CHST9: variants seen among roughly 807,000 people sequenced by gnomAD.
CHST9 encodes carbohydrate sulfotransferase 9, also known as GalNAc-4-sulfotransferase 2.
Under a neutral mutation model 44.4 loss-of-function variants are expected in CHST9, and 41 were observed. That is an observed-to-expected ratio of 0.92 (90% CI 0.72 to 1.20). CHST9 has a LOEUF of 1.20. Among genes scored for constraint, CHST9 ranks in the 50% most tolerant of loss-of-function variants. The pLI is 0.00. For synonymous variants in CHST9, 171 were observed against 178.4 expected (o/e 0.96, Z 0.33); for missense variants, 504 against 516.5 (o/e 0.98, Z 0.23).
chr18:27,077,246 G>A (rs1181594315), intron 2 of CHST9, among the ~76,000 whole-genome samples: 7 of 152,092 alleles, frequency 4.6e-5, no homozygotes, highest in African/African-American at 1.7e-4. Flanking sequence ...ATTTTAATTA[G>A]AACATAAATG....
chr18:26,932,726 G>A (rs1420604672), intron 5 of CHST9, among the ~76,000 whole-genome samples: 1 of 152,180 alleles, frequency 6.6e-6, no homozygotes, highest in African/African-American at 2.4e-5. Flanking sequence ...CCACCTGAGT[G>A]TTCAGTTGCA....
chr18:27,000,646 A>G (rs571446329), intron 4 of CHST9, among the ~76,000 whole-genome samples: 11 of 151,242 alleles, frequency 7.3e-5, no homozygotes, highest in Admixed American at 5.3e-4. Context: ...CTATCTATCT[A>G]TCTATCTATC....
chr18:27,006,316 C>A (rs530040982), intron 4 of CHST9, among the ~76,000 whole-genome samples: 2 of 152,198 alleles, frequency 1.3e-5, no homozygotes, highest in South Asian at 4.1e-4. Flanking sequence ...AATTTATACA[C>A]TGGGTGTGGA....
intron 2 of CHST9, among the ~76,000 whole-genome samples, chr18:27,053,260 AG>A (rs1348326562): frequency 0.029 from 2,132 of 73,834 alleles, 45 homozygotes; most frequent in East Asian, 0.037. Context: ...AAGAAGAAGA[AG>A]GAGAAGGAGA....
chr18:27,017,172 T>C (rs1043292633), intron 4 of CHST9, among the ~76,000 whole-genome samples: 1 of 152,168 alleles, frequency 6.6e-6, no homozygotes, highest in Admixed American at 6.5e-5. Flanking sequence ...CACTGGAAAA[T>C]TTACGGTTAA....
At chr18:27,130,925 A>G (rs2058465976) in intron 2 of CHST9, among the ~76,000 whole-genome samples, 1 of 152,224 alleles carries the variant, frequency 6.6e-6, no homozygotes, top group Non-Finnish European at 1.5e-5. Context: ...TAAAAATTAT[A>G]GAGACATACA....
intron 2 of CHST9, among the ~76,000 whole-genome samples, chr18:27,115,831 C>T (rs1264561982): frequency 1.3e-5 from 2 of 152,038 alleles, no homozygotes; most frequent in African/African-American, 2.4e-5. Flanking sequence ...TTTATTTTAG[C>T]CATTCCTAGG....
intron 1 of CHST9, among the ~76,000 whole-genome samples, chr18:27,143,325 A>G (rs1189971197): frequency 6.6e-6 from 1 of 152,194 alleles, no homozygotes; most frequent in African/African-American, 2.4e-5. Flanking sequence ...ATAAAGTTCA[A>G]AAATTGAAGG....
At chr18:26,967,827 A>G (rs539101568) in intron 4 of CHST9, among the ~76,000 whole-genome samples, 1 of 152,336 alleles carries the variant, frequency 6.6e-6, no homozygotes, top group Non-Finnish European at 1.5e-5. Flanking sequence ...CAATCTAATC[A>G]GCTGCCAGTG....
chr18:26,990,474 A>T (rs1008620416), intron 4 of CHST9, among the ~76,000 whole-genome samples: 11 of 152,312 alleles, frequency 7.2e-5, no homozygotes, highest in Non-Finnish European at 1.5e-4. Flanking sequence ...TTATGCTCCA[A>T]AAACTATTTT....
chr18:26,974,862 G>T (rs561213774), intron 4 of CHST9, among the ~76,000 whole-genome samples: 1 of 152,202 alleles, frequency 6.6e-6, no homozygotes, highest in Non-Finnish European at 1.5e-5. Context: ...TTTTAGTAGG[G>T]ATGGGGTTTC....
At chr18:27,164,582 AAAAACATGAGTTTCTAGATCTAAAGAG>A (rs2058775689) in intron 1 of CHST9, among the ~76,000 whole-genome samples, 1 of 152,200 alleles carries the variant, frequency 6.6e-6, no homozygotes, top group African/African-American at 2.4e-5. Flanking sequence ...CAGGGAACTG[AAAAACATGAGTTTCTAGATCTAAAGAG>A]ATCACTCTGA....
chr18:26,933,079 C>G (rs2055910156), intron 5 of CHST9: 1 of 153,758 alleles, frequency 6.5e-6, no homozygotes. Flanking sequence ...CTGGAGGAAT[C>G]TACACGTGCA....
intron 2 of CHST9, among the ~76,000 whole-genome samples, chr18:27,119,258 G>A (rs1005178110): frequency 6.6e-6 from 1 of 152,058 alleles, no homozygotes; most frequent in Non-Finnish European, 1.5e-5. Context: ...GAATCGATAT[G>A]CCTAGAAACA....
intron 2 of CHST9, among the ~76,000 whole-genome samples, chr18:27,111,091 C>CA (rs1448721829): frequency 2.6e-5 from 4 of 152,204 alleles, no homozygotes; most frequent in Non-Finnish European, 4.4e-5. Flanking sequence ...GAGAGGTCTA[C>CA]AAAGAACAGG....
At chr18:26,944,923 G>A (rs1194853749) in intron 4 of CHST9, among the ~76,000 whole-genome samples, 1 of 152,130 alleles carries the variant, frequency 6.6e-6, no homozygotes, top group Non-Finnish European at 1.5e-5. Context: ...TGATCAGGAT[G>A]AAAAACATGC....
At chr18:27,108,851 C>G (rs148117002) in intron 2 of CHST9, among the ~76,000 whole-genome samples, 4 of 152,078 alleles carry the variant, frequency 2.6e-5, no homozygotes, top group Non-Finnish European at 1.5e-5. Flanking sequence ...TAATTCTGGT[C>G]CTTAACAGGA....
At chr18:27,157,788 A>G (rs1292868427) in intron 1 of CHST9, among the ~76,000 whole-genome samples, 1 of 152,140 alleles carries the variant, frequency 6.6e-6, no homozygotes, top group Non-Finnish European at 1.5e-5. Flanking sequence ...TTAATTCCAG[A>G]AAAACAAGCT....
At chr18:26,997,000 CA>C (rs2056894722) in intron 4 of CHST9, among the ~76,000 whole-genome samples, 1 of 152,200 alleles carries the variant, frequency 6.6e-6, no homozygotes, top group Non-Finnish European at 1.5e-5. Context: ...GTATTTTAAA[CA>C]TCTTAGCACA....
Sources: gnomAD v4.1 joint callset for allele counts (sites outside exome capture counted in the v4.1 genomes callset) on GRCh38, gnomAD v4.1.1 for gene constraint, MANE v1.5 for transcripts, NCBI Gene and HGNC (gene_info 2026-07-23, HGNC 2026-07-21) for gene names.